GPR153: variants seen among roughly 807,000 people sequenced by gnomAD.
The protein encoded by GPR153 is G protein-coupled receptor 153.
A neutral mutation model predicts 34.1 loss-of-function variants in GPR153; 27 were observed. The ratio of observed to expected loss-of-function variants is 0.79; its 90% confidence interval spans 0.58 to 1.09. The LOEUF is 1.09. Ranked by LOEUF, GPR153 falls within the 50% of genes least tolerant of loss-of-function variation. The pLI, the probability that GPR153 is intolerant of heterozygous loss-of-function variation, is 0.00. For missense variants in GPR153, 848 were observed against 860.2 expected, an observed-to-expected ratio of 0.99 and a Z score of 0.18; for synonymous variants, 408 against 405.4, an observed-to-expected ratio of 1.01 and a Z score of -0.08.
At chr1:6,259,503 T>TG (rs991160664) in intron 1 of GPR153, among the ~76,000 whole-genome samples, 176 of 151,526 alleles carry the variant, frequency 1.2e-3, no homozygotes, top group Non-Finnish European at 2.2e-3. Flanking sequence ...GGGCATTTTT[T>TG]TTTTTTTTGT....
chr1:6,247,773 T>C lies in GPR153; in HGVS notation c.*1565A>G, dbSNP rs1484537602. On this transcript the variant is annotated 3_prime_UTR_variant, in exon 6 of 6. Transcript: ENST00000377893. Reference sequence around the variant, plus strand: ...GTCAGTCCTTGAAGGCACAGCAGCATTGGCCAGAGATGGCCCCTCCCGCGG... The same window carrying C: ...GTCAGTCCTTGAAGGCACAGCAGCACTGGCCAGAGATGGCCCCTCCCGCGG... 1.3e-5 allele frequency: 2 copies of C among 152,288 alleles called. No individual in the cohort carries two copies. Among genetic ancestry groups the C allele is most frequent in the Non-Finnish European group, 2.9e-5 (2 of 68,078 alleles). The allele number at this position is 152,288 out of a possible 1,614,324, so 9.4% of individuals were successfully genotyped here.
intron 3 of GPR153, among the ~76,000 whole-genome samples, chr1:6,252,436 G>A (rs990403468): frequency 1.3e-5 from 2 of 152,084 alleles, no homozygotes; most frequent in African/African-American, 2.4e-5. Flanking sequence ...CTCTGCTCCC[G>A]AGGTGCCTTG....
rs975665847 is a variant in GPR153 at position 6,247,457 on chromosome 1, A to C, written c.*1881T>G. The C allele has an allele frequency of 1.4e-4, 21 of 151,858 alleles. No individual in the cohort carries two copies. Among genetic ancestry groups the C allele is most frequent in the Admixed American group, 1.4e-3 (21 of 15,218 alleles). 9.4% of individuals were successfully genotyped at this position (151,858 alleles called of 1,614,324 possible). A position where few individuals can be genotyped will look rare whatever the true frequency, so the allele number is the denominator to read the frequency against. Reference sequence around the variant, plus strand: ...TGGCTCTGGGTGTGCTATGAAGACAACTCCCTCCCCAGTGAGCCCAGGGAA... The same window carrying C: ...TGGCTCTGGGTGTGCTATGAAGACACCTCCCTCCCCAGTGAGCCCAGGGAA... On this transcript the variant is annotated 3_prime_UTR_variant, in exon 6 of 6. Transcript: ENST00000377893.
In GPR153 at chr1:6,251,399, G is replaced by T. The variant is rs1356093971; in HGVS notation, c.918C>A (p.Asp306Glu). Residue 306 changes from aspartate (D) to glutamate (E), a missense_variant, in exon 4 of 6, where the codon GAC becomes GAA. By Grantham distance (45) the Asp-to-Glu change is conservative. Transcript: ENST00000377893. The surrounding 1 kb of genome is among the most constrained non-coding windows in gnomAD (Gnocchi z 4.9). Reference protein sequence around the residue: ...FLWACDRYRADLKAVREKCMA... With the variant: ...FLWACDRYRAELKAVREKCMA... ...TGCACTTCTCCCGGACAGCTTTGAG[G>T]TCAGCCCGGTAGCGGTCGCAGGCCC... 6.2e-7 allele frequency: 1 copy of T among 1,613,626 alleles called. No homozygotes were observed. Among genetic ancestry groups the T allele is most frequent in the South Asian group, 1.1e-5 (1 of 91,070 alleles).
chr1:6,256,687 A>C (rs1204021821), intron 1 of GPR153, among the ~76,000 whole-genome samples: 1 of 152,044 alleles, frequency 6.6e-6, no homozygotes, highest in Non-Finnish European at 1.5e-5. Flanking sequence ...TATATTTTAG[A>C]GACAGAGTCT....
At chr1:6,258,796 G>T (rs941479805) in intron 1 of GPR153, among the ~76,000 whole-genome samples, 18 of 147,498 alleles carry the variant, frequency 1.2e-4, no homozygotes, top group African/African-American at 4.6e-4. Flanking sequence ...GTCTAGCCCC[G>T]TGAACAAGCT....
rs573258020 is a variant in GPR153, at chr1:6,248,648, C to G, written c.*690G>C. 6.6e-6 allele frequency: 1 copy of G among 152,308 alleles called. No individual in the cohort carries two copies. The highest frequency in any genetic ancestry group is 2.4e-5 in the African/African-American group (1 of 41,444). The allele number at this position is 152,308 out of a possible 1,614,324, so 9.4% of individuals were successfully genotyped here. On this transcript the variant is annotated 3_prime_UTR_variant, in exon 6 of 6. Transcript: ENST00000377893. ...GCCACATGCTGAAAACGGACCTCCA[C>G]AAAGGCCGCAGAGGGCTCTAGACTA...
intron 1 of GPR153, 96 bp from the exon 2 acceptor site, chr1:6,255,110 C>T (rs771063407): frequency 7.4e-5 from 34 of 458,356 alleles, no homozygotes; most frequent in Admixed American, 1.2e-4. Context: ...GAGCGCTACA[C>T]TTTGAATGTC....
rs1475149742 is a variant in GPR153 at position 6,254,642 on chromosome 1, G to A, written c.264C>T (p.Ser88=). The A allele has an allele frequency of 1.2e-6, 2 of 1,613,592 alleles. No individual in the cohort carries two copies. The highest frequency in any genetic ancestry group is 4.5e-5 in the East Asian group (2 of 44,874). ...TGGCCAGGGTGAGGGTGTAGAAGGT[G>A]GACACGAAGACCTTGCAGAGACCCT... ...WNEGLCKVFV[S]TFYTLTLATC... is the part of the protein sequence containing the mutation. Residue 88 remains serine (S), a synonymous_variant, in exon 2 of 6, where the codon TCC becomes TCT. Coordinates refer to ENST00000377893, the MANE Select transcript of GPR153 (RefSeq NM_207370.4).
At position 6,259,316 on chromosome 1, in the gene GPR153, C is replaced by T. The variant is rs180920668; in HGVS notation, c.-110+1509G>A. 1.1e-3 allele frequency among the ~76,000 whole-genome samples: 165 copies of T among 152,152 alleles called. No individual in the cohort carries two copies. In the Middle Eastern group the frequency reaches 0.02, roughly 19 times the overall value. On this transcript the variant is annotated intron_variant, in intron 1 of 5. Coordinates refer to ENST00000377893, the MANE Select transcript of GPR153 (RefSeq NM_207370.4). The stretch of plus-strand genomic sequence containing the variant: ...AGGGGCACGTGCATCCTCTTGCACA[C>T]GGGCATGCTCCTCCAGTGAGTGCCC...
At position 6,249,124 on chromosome 1, in the gene GPR153, C is replaced by T; in HGVS notation, c.*214G>A. 2.6e-6 allele frequency: 1 copy of T among 387,752 alleles called. No homozygotes were observed. The allele number at this position is 387,752 out of a possible 1,614,324, so 24.0% of individuals were successfully genotyped here. A position where few individuals can be genotyped will look rare whatever the true frequency, so the allele number is the denominator to read the frequency against. The stretch of plus-strand genomic sequence containing the variant: ...AGGCCCGACCTCACTCGGCCCGGGA[C>T]ATGCGGTGCCCAGCGCAGTCGTCCG... On this transcript the variant is annotated 3_prime_UTR_variant, in exon 6 of 6. Coordinates refer to ENST00000377893, the MANE Select transcript of GPR153 (RefSeq NM_207370.4). This position sits in a 1 kb window ranked among gnomAD's most constrained non-coding sequence, Gnocchi z 4.3.
rs1638441557 is a variant in GPR153 at position 6,251,269 on chromosome 1, T to C, written c.979+69A>G. 2 of 1,323,082 alleles carry C rather than the reference T, an allele frequency of 1.5e-6. No individual in the cohort carries two copies. The highest frequency in any genetic ancestry group is 2.1e-6 in the Non-Finnish European group (2 of 957,276). 82.0% of individuals were successfully genotyped at this position (1,323,082 alleles called of 1,614,324 possible). A position where few individuals can be genotyped will look rare whatever the true frequency, so the allele number is the denominator to read the frequency against. ...CTTAGTGGCGTTGCCTGACAGCCGT[T>C]TTCCTGCCAACCCCAATGACCTAAC... On this transcript the variant is annotated intron_variant, in intron 4 of 5. Coordinates refer to ENST00000377893, the MANE Select transcript of GPR153 (RefSeq NM_207370.4). The surrounding 1 kb of genome is among the most constrained non-coding windows in gnomAD (Gnocchi z 4.9).
At chr1:6,258,008 C>T (rs998909525) in intron 1 of GPR153, among the ~76,000 whole-genome samples, 3 of 152,198 alleles carry the variant, frequency 2.0e-5, no homozygotes, top group East Asian at 1.9e-4. Flanking sequence ...CGCCCCATGT[C>T]CCCCAGAGAG....
rs145191561 is a variant in GPR153 at position 6,254,619 on chromosome 1, G to A, written c.287C>T (p.Ala96Val). The A allele has an allele frequency of 3.4e-5, 55 of 1,611,244 alleles. No homozygotes were observed. In the African/African-American group the frequency reaches 4.8e-4, roughly 14 times the overall value. Residue 96 changes from alanine to valine, a missense_variant, in exon 2 of 6, where the codon GCC becomes GTC. Transcript: ENST00000377893. ...FVSTFYTLTLATCFSVTSLSY... is the reference protein window; with the variant it reads ...FVSTFYTLTLVTCFSVTSLSY... The stretch of plus-strand genomic sequence containing the variant: ...GAGGGAGGTGACAGAGAAACAGGTG[G>A]CCAGGGTGAGGGTGTAGAAGGTGGA...
rs189356842 is a variant in GPR153 at position 6,253,798 on chromosome 1, C to A, written c.706G>T (p.Ala236Ser). 2 of 1,569,130 alleles carry A rather than the reference C, an allele frequency of 1.3e-6. No individual in the cohort carries two copies. Among genetic ancestry groups the A allele is most frequent in the African/African-American group, 2.7e-5 (2 of 73,834 alleles). The change falls in exon 3 of 6, where the codon GCC becomes TCC. Residue 236 changes from alanine (A) to serine (S), a missense_variant. By Grantham distance (99) the Ala-to-Ser change is moderately conservative. Transcript: ENST00000377893. ...RRSSIDGSEPAKTSLQTTGLV... is the reference protein window; with the variant it reads ...RRSSIDGSEPSKTSLQTTGLV... Reference sequence around the variant, plus strand: ...CCCGTGGTCTGCAGAGAGGTTTTGGCGGGCTCCGAGCCATCGATGGAGGAG... The same window carrying A: ...CCCGTGGTCTGCAGAGAGGTTTTGGAGGGCTCCGAGCCATCGATGGAGGAG...
chr1:6,260,297 G>A (rs1211051735), intron 1 of GPR153, among the ~76,000 whole-genome samples: 1 of 151,384 alleles, frequency 6.6e-6, no homozygotes, highest in Non-Finnish European at 1.5e-5. Flanking sequence ...AGGGAGGGAC[G>A]CGCAGCGCGA....
rs1469687923 is a variant in GPR153 at position 6,251,567 on chromosome 1, C to T, written c.787-37G>A. The T allele has an allele frequency of 7.2e-6, 11 of 1,523,476 alleles. No individual in the cohort carries two copies. Among genetic ancestry groups the T allele is most frequent in the Non-Finnish European group, 9.7e-6 (11 of 1,139,004 alleles). The allele number at this position is 1,523,476 out of a possible 1,614,324, so 94.4% of individuals were successfully genotyped here. ...GGGCTCGGCCTGGCACCTGCAGGAC[C>T]CCCCACCATCACACAAGCTCCCCCT... On this transcript the variant is annotated intron_variant, in intron 3 of 5. Coordinates refer to ENST00000377893, the MANE Select transcript of GPR153 (RefSeq NM_207370.4). This position sits in a 1 kb window ranked among gnomAD's most constrained non-coding sequence, Gnocchi z 4.9.
Position 6,251,366 on chromosome 1 carries a change from G to A in GPR153, c.951C>T (p.Leu317=), listed in dbSNP as rs755663575. 3.3e-5 allele frequency: 53 copies of A among 1,610,588 alleles called. No homozygotes were observed. The highest frequency in any genetic ancestry group is 4.2e-5 in the Non-Finnish European group (50 of 1,177,966). The change falls in exon 4 of 6, where the codon CTC becomes CTT. Residue 317 remains leucine (L), a synonymous_variant. Coordinates refer to ENST00000377893, the MANE Select transcript of GPR153 (RefSeq NM_207370.4). The surrounding 1 kb of genome is among the most constrained non-coding windows in gnomAD (Gnocchi z 4.9). ...CGTCTGACTCCTCGTCGTTGGCCAT[G>A]AGGGCCATGCACTTCTCCCGGACAG... ...LKAVREKCMA[L]MANDEESDDE...
intron 3 of GPR153, among the ~76,000 whole-genome samples, chr1:6,252,469 G>A (rs1638470902): frequency 6.6e-6 from 1 of 152,120 alleles, no homozygotes; most frequent in African/African-American, 2.4e-5. Flanking sequence ...GTTTCATGAA[G>A]CCCCTGCCCT....
Sources: gnomAD v4.1 joint callset for allele counts (sites outside exome capture counted in the v4.1 genomes callset) on GRCh38, gnomAD v4.1.1 for gene constraint, Gnocchi (gnomAD v3.1) non-coding constraint, MANE v1.5 for transcripts, NCBI Gene and HGNC (gene_info 2026-07-23, HGNC 2026-07-21) for gene names.